The following CADPS variants were observed in gnomAD, a reference collection of about 807,000 sequenced individuals.
CADPS encodes calcium dependent secretion activator, also known as calcium-dependent secretion activator 1.
Under a neutral mutation model 167.3 loss-of-function variants are expected in CADPS, and 57 were observed. The observed-to-expected ratio is 0.34, with a 90% CI of 0.28 to 0.42. CADPS has a LOEUF of 0.42. Among genes scored for constraint, CADPS ranks in the 20% least tolerant of loss-of-function variants. The pLI is 1.00. For synonymous variants in CADPS, 676 were observed against 635.3 expected (o/e 1.06, Z -0.96); for missense variants, 1,414 against 1,738.1 (o/e 0.81, Z 3.32).
chr3:62,784,672 C>G (rs779071329), intron 1 of CADPS, among the ~76,000 whole-genome samples: 2 of 150,552 alleles, frequency 1.3e-5, no homozygotes, highest in Non-Finnish European at 2.9e-5. Context: ...TTAAATAATA[C>G]CAACGGGTGT....
intron 6 of CADPS, among the ~76,000 whole-genome samples, chr3:62,600,032 T>G (rs1366328665): frequency 7.0e-6 from 1 of 141,910 alleles, no homozygotes; most frequent in African/African-American, 2.6e-5. Flanking sequence ...AAGCAACAAA[T>G]TCAGAATAAC....
intron 1 of CADPS, among the ~76,000 whole-genome samples, chr3:62,864,465 G>C (rs7646534): frequency 0.62 from 94,125 of 152,008 alleles, 30,298 homozygotes; most frequent in Middle Eastern, 0.77. Flanking sequence ...TGATGATCAA[G>C]GTGTCATCAG....
chr3:62,768,157 G>A (rs2087436166), intron 1 of CADPS, among the ~76,000 whole-genome samples: 1 of 152,160 alleles, frequency 6.6e-6, no homozygotes, highest in Admixed American at 6.5e-5. Context: ...TTTTTTATGT[G>A]CTTGAAACCA....
At chr3:62,403,058 A>C (rs753440855) in intron 29 of CADPS, 23 bp downstream of exon 29, 1 of 1,439,350 alleles carries the variant, frequency 6.9e-7, no homozygotes, top group Non-Finnish European at 9.8e-7. Flanking sequence ...TTTGCAAAGA[A>C]GAATAATAAT....
At chr3:62,613,599 G>A (rs1043321637) in intron 6 of CADPS, among the ~76,000 whole-genome samples, 1 of 152,162 alleles carries the variant, frequency 6.6e-6, no homozygotes, top group Non-Finnish European at 1.5e-5. Context: ...ATCATGAATG[G>A]TTAGTGTTTG....
At chr3:62,699,290 G>T (rs1252779061) in intron 3 of CADPS, among the ~76,000 whole-genome samples, 1 of 152,018 alleles carries the variant, frequency 6.6e-6, no homozygotes. Context: ...TCCTGCCTCA[G>T]TCTCCCAAAG....
chr3:62,652,401 A>AAC (rs1563371290), intron 4 of CADPS, among the ~76,000 whole-genome samples: 3 of 15,804 alleles, frequency 1.9e-4, no homozygotes, highest in South Asian at 1.4e-3. Context: ...TGTGTGGCCA[A>AAC]AAAAAAAAAA....
chr3:62,406,903 G>A (rs1191496989), intron 28 of CADPS, among the ~76,000 whole-genome samples: 1 of 152,196 alleles, frequency 6.6e-6, no homozygotes, highest in Non-Finnish European at 1.5e-5. Flanking sequence ...TCTTTCTACA[G>A]TGTAGTGGTT....
chr3:62,534,187 T>A (rs1344389421), intron 12 of CADPS, among the ~76,000 whole-genome samples: 2 of 152,204 alleles, frequency 1.3e-5, no homozygotes, highest in Admixed American at 1.3e-4. Context: ...GCTGGAAATT[T>A]GGGGCTATTT....
intron 9 of CADPS, among the ~76,000 whole-genome samples, chr3:62,563,640 C>A (rs1002036776): frequency 3.9e-5 from 6 of 152,190 alleles, no homozygotes; most frequent in Non-Finnish European, 8.8e-5. Context: ...GAACCCATCT[C>A]CCAATCAGTA....
Position 62,422,345 on chromosome 3 carries a change from A to G in CADPS, c.3777+15759T>C, listed in dbSNP as rs147504630. On this transcript the variant is annotated intron_variant, in intron 28 of 29. Coordinates refer to ENST00000383710, the MANE Select transcript of CADPS (RefSeq NM_003716.4). ...TGAATAAACAAACTCTTTAGAAACA[A>G]TGCATATAGGCCACTTTCCAATGGC... is the stretch of plus-strand genomic sequence containing the variant. Among the ~76,000 whole-genome samples, 5 of 152,318 alleles carry G rather than the reference A, an allele frequency of 3.3e-5. No homozygotes were observed. In the East Asian group the frequency reaches 9.6e-4, roughly 29 times the overall value.
chr3:62,642,311 C>A (rs1402959101), intron 6 of CADPS, among the ~76,000 whole-genome samples: 1 of 151,944 alleles, frequency 6.6e-6, no homozygotes, highest in Non-Finnish European at 1.5e-5. Flanking sequence ...TAGTCAAAGA[C>A]AAGATTCAGA....
rs562222607 is a variant in CADPS at position 62,557,778 on chromosome 3, C to T, written c.1645-265G>A. Among the ~76,000 whole-genome samples the T allele has an allele frequency of 3.9e-5, 6 of 152,330 alleles. No homozygotes were observed. In the South Asian group the frequency reaches 1.2e-3, roughly 32 times the overall value. On this transcript the variant is annotated intron_variant, in intron 9 of 29. Coordinates refer to ENST00000383710, the MANE Select transcript of CADPS (RefSeq NM_003716.4). Reference sequence around the variant, plus strand: ...TGAGTTCACGTGGGGAATGCACTTACAGTCTGTTCCTGGCACTTAGTAAGT... The same window carrying T: ...TGAGTTCACGTGGGGAATGCACTTATAGTCTGTTCCTGGCACTTAGTAAGT...
intron 1 of CADPS, chr3:62,779,592 T>G: frequency 5.6e-6 from 3 of 533,964 alleles, no homozygotes; most frequent in South Asian, 4.2e-5. Context: ...CTGGGCACTG[T>G]GTGGAAACTT....
At chr3:62,524,518 T>C (rs934787443) in intron 13 of CADPS, among the ~76,000 whole-genome samples, 2 of 152,206 alleles carry the variant, frequency 1.3e-5, no homozygotes, top group East Asian at 1.9e-4. Flanking sequence ...CAAGTGTGCA[T>C]TGTAGCTTCC....
chr3:62,652,672 G>A (rs1200671673), intron 4 of CADPS, among the ~76,000 whole-genome samples: 2 of 151,976 alleles, frequency 1.3e-5, no homozygotes, highest in African/African-American at 4.8e-5. Context: ...CAAAGAGAGA[G>A]AAGAAGTAAG....
chr3:62,663,643 A>G (rs1176233583), intron 3 of CADPS, among the ~76,000 whole-genome samples: 1 of 149,372 alleles, frequency 6.7e-6, no homozygotes, highest in Non-Finnish European at 1.5e-5. Context: ...ATTCTCACCT[A>G]TGCTGTGAAA....
At chr3:62,572,868 C>T (rs1324252625) in intron 8 of CADPS, among the ~76,000 whole-genome samples, 1 of 152,074 alleles carries the variant, frequency 6.6e-6, no homozygotes, top group Non-Finnish European at 1.5e-5. Context: ...AACCTAAGCA[C>T]ATCCTCACAT....
At chr3:62,778,747 G>A (rs987511859) in intron 1 of CADPS, among the ~76,000 whole-genome samples, 32 of 152,136 alleles carry the variant, frequency 2.1e-4, no homozygotes, top group African/African-American at 7.7e-4. Flanking sequence ...ATAAGCCAAA[G>A]TTAAGAGCCA....
Sources: gnomAD v4.1 joint callset for allele counts (sites outside exome capture counted in the v4.1 genomes callset) on GRCh38, gnomAD v4.1.1 for gene constraint, MANE v1.5 for transcripts, NCBI Gene and HGNC (gene_info 2026-07-23, HGNC 2026-07-21) for gene names.